GRXCR2: variants seen among roughly 807,000 people sequenced by gnomAD.
GRXCR2 encodes the protein glutaredoxin and cysteine rich domain containing 2, also known as glutaredoxin domain-containing cysteine-rich protein 2.
In GRXCR2, 23 loss-of-function variants were observed where a neutral mutation model predicts 24.8. The ratio of observed to expected loss-of-function variants is 0.93; its 90% CI spans 0.67 to 1.32. GRXCR2 has a LOEUF of 1.32. GRXCR2 is among the 40% of genes most tolerant of loss of function. GRXCR2 has a pLI of 0.00. For missense variants in GRXCR2, 315 were observed against 303.4 expected (o/e 1.04, Z -0.28); for synonymous variants, 130 against 116.1 (o/e 1.12, Z -0.77).
At chr5:145,905,107 T>C (rs1581349662) in intron 2 of GRXCR2, among the ~76,000 whole-genome samples, 1 of 152,204 alleles carries the variant, frequency 6.6e-6, no homozygotes, top group East Asian at 1.9e-4. Context: ...CCAAAAAGCA[T>C]GGTTCTTTGA....
intron 2 of GRXCR2, among the ~76,000 whole-genome samples, chr5:145,918,295 G>A (rs1157492234): frequency 6.6e-6 from 1 of 152,170 alleles, no homozygotes; most frequent in Non-Finnish European, 1.5e-5. Context: ...ACTTTACGGA[G>A]GAGGAAGCTA....
chr5:145,892,091 A>G (rs966142387), intron 2 of GRXCR2, among the ~76,000 whole-genome samples: 2 of 152,180 alleles, frequency 1.3e-5, no homozygotes, highest in African/African-American at 4.8e-5. Context: ...TAGAAGGAAA[A>G]CTAACAAACA....
intron 2 of GRXCR2, among the ~76,000 whole-genome samples, chr5:145,916,544 C>G (rs1242087125): frequency 6.6e-6 from 1 of 152,156 alleles, no homozygotes; most frequent in Non-Finnish European, 1.5e-5. Context: ...GAAAGTCCTC[C>G]TTGTCACAGA....
intron 2 of GRXCR2, among the ~76,000 whole-genome samples, chr5:145,878,117 T>C (rs2149914324): frequency 6.6e-6 from 1 of 152,270 alleles, no homozygotes; most frequent in African/African-American, 2.4e-5. Context: ...CTGAAAATTC[T>C]AAAAACCACA....
At position 145,900,907 on chromosome 5, in the gene GRXCR2, T is replaced by C. The variant is rs576507421; in HGVS notation, c.-69-34179A>G. ...ATTCAACCTAGGTGCCCATCAGTGG[T>C]GGATTGTATTTTTTAAAGGTGGTAC... On this transcript the variant is annotated intron_variant, in intron 2 of 3. Coordinates refer to the GRXCR2 transcript ENST00000639411. Among the ~76,000 whole-genome samples the C allele has an allele frequency of 4.6e-5, 7 of 152,312 alleles. No individual in the cohort carries two copies. The East Asian group carries it at 1.2e-3, about 25-fold the overall frequency.
chr5:145,905,110 T>C (rs537886719), intron 2 of GRXCR2, among the ~76,000 whole-genome samples: 1 of 152,290 alleles, frequency 6.6e-6, no homozygotes, highest in African/African-American at 2.4e-5. Flanking sequence ...AAAAGCATGG[T>C]TCTTTGACTA....
rs114158247 is a variant in GRXCR2, at chr5:145,911,786, C to T, written c.-70+23915G>A. 6.5e-3 allele frequency among the ~76,000 whole-genome samples: 996 copies of T among 152,290 alleles called. 10 individuals are homozygous for T. Among genetic ancestry groups the T allele is most frequent in the African/African-American group, 0.023 (958 of 41,556 alleles). On this transcript the variant is annotated intron_variant, in intron 2 of 3. Coordinates refer to the GRXCR2 transcript ENST00000639411. ...GAGAATGAAGTGGCCAGTGACTGGC[C>T]TCCTCTAAATAGGTTCATCTGACCA...
At chr5:145,880,247 G>C (rs1756679789) in intron 2 of GRXCR2, among the ~76,000 whole-genome samples, 2 of 152,064 alleles carry the variant, frequency 1.3e-5, no homozygotes, top group South Asian at 4.1e-4. Flanking sequence ...AAAAATCAAT[G>C]AATCCAGGAG....
At chr5:145,893,762 T>G (rs985438974) in intron 2 of GRXCR2, among the ~76,000 whole-genome samples, 4 of 152,180 alleles carry the variant, frequency 2.6e-5, no homozygotes, top group African/African-American at 9.7e-5. Flanking sequence ...GGAATTGAAC[T>G]CAGCTCTGCA....
At chr5:145,899,289 T>C (rs1756993390) in intron 2 of GRXCR2, among the ~76,000 whole-genome samples, 1 of 152,094 alleles carries the variant, frequency 6.6e-6, no homozygotes, top group South Asian at 2.1e-4. Flanking sequence ...CATTCCATAC[T>C]CATGGATTGA....
intron 2 of GRXCR2, among the ~76,000 whole-genome samples, chr5:145,900,329 G>T (rs1367218827): frequency 6.6e-6 from 1 of 151,952 alleles, no homozygotes. Flanking sequence ...CTTCCTCTTT[G>T]CCTTCCACCA....
intron 2 of GRXCR2, among the ~76,000 whole-genome samples, chr5:145,880,091 G>A (rs534007691): frequency 5.9e-5 from 9 of 152,204 alleles, no homozygotes; most frequent in African/African-American, 1.4e-4. Context: ...AGAGAAAGCA[G>A]GAAAGATCTA....
chr5:145,865,695 G>A (rs979358735), intron 2 of GRXCR2, among the ~76,000 whole-genome samples: 5 of 152,174 alleles, frequency 3.3e-5, no homozygotes, highest in African/African-American at 1.2e-4. Context: ...CAGTTTACTT[G>A]TGCCTGGTCT....
chr5:145,875,929 T>C (rs550254890), upstream of GRXCR2, among the ~76,000 whole-genome samples: 1 of 152,166 alleles, frequency 6.6e-6, no homozygotes, highest in African/African-American at 2.4e-5. Flanking sequence ...CTCAGGAGGC[T>C]GAGGCAGGAG....
intron 2 of GRXCR2, among the ~76,000 whole-genome samples, chr5:145,923,809 T>A (rs1282122061): frequency 6.6e-6 from 1 of 152,214 alleles, no homozygotes; most frequent in South Asian, 2.1e-4. Context: ...GGTATTCCTC[T>A]GTATGATTAC....
upstream of GRXCR2, among the ~76,000 whole-genome samples, chr5:145,877,863 T>A (rs1756642716): frequency 6.6e-6 from 1 of 152,228 alleles, no homozygotes; most frequent in Non-Finnish European, 1.5e-5. Flanking sequence ...CTGCAATCTT[T>A]GCTGTTCTGC....
At chr5:145,873,740 C>T (rs544499856), upstream of GRXCR2, among the ~76,000 whole-genome samples, 6 of 152,338 alleles carry the variant, frequency 3.9e-5, no homozygotes, top group African/African-American at 7.2e-5. Flanking sequence ...ACCAGAGCAC[C>T]TCCACTTGGT....
At chr5:145,899,029 A>C (rs1756990334) in intron 2 of GRXCR2, among the ~76,000 whole-genome samples, 1 of 151,988 alleles carries the variant, frequency 6.6e-6, no homozygotes, top group Admixed American at 6.6e-5. Context: ...CACCACCAAA[A>C]GGCTCTTGCA....
At chr5:145,865,126 AC>A (rs1756406478) in intron 2 of GRXCR2, among the ~76,000 whole-genome samples, 1 of 152,030 alleles carries the variant, frequency 6.6e-6, no homozygotes, top group Non-Finnish European at 1.5e-5. Context: ...CATCATCTGA[AC>A]CCTCCCAGAG....
Sources: allele counts gnomAD v4.1 joint callset (sites outside exome capture counted in the v4.1 genomes callset), GRCh38; gene constraint gnomAD v4.1.1; transcripts MANE v1.5; gene names NCBI Gene and HGNC (gene_info 2026-07-23, HGNC 2026-07-21).